LYZL4: variants seen among roughly 807,000 people sequenced by gnomAD.
LYZL4 encodes the protein lysozyme like 4, also known as lysozyme-like protein 4.
In LYZL4, 13 loss-of-function variants were observed where a neutral mutation model predicts 17.6. That is an observed-to-expected ratio of 0.74 (90% CI 0.48 to 1.18). LYZL4 has a LOEUF of 1.18. LYZL4 is among the 50% of genes most tolerant of loss of function. The pLI is 0.00. For missense variants in LYZL4, 174 were observed against 188.2 expected, an observed-to-expected ratio of 0.92 and a Z score of 0.44; for synonymous variants, 64 against 67.7, an observed-to-expected ratio of 0.95 and a Z score of 0.27.
chr3:42,389,994 T>C, the LYZL4 span, among the ~76,000 whole-genome samples: 1 of 152,130 alleles, frequency 6.6e-6, no homozygotes, highest in Non-Finnish European at 1.5e-5. Context: ...CGGAACATAA[T>C]GGGGAGGGAA....
At chr3:42,370,791 G>C in the LYZL4 span, among the ~76,000 whole-genome samples, 1 of 152,162 alleles carries the variant, frequency 6.6e-6, no homozygotes, top group Non-Finnish European at 1.5e-5. Context: ...TAGTGGGAAT[G>C]GATTTCTGTT....
rs187771569 is a variant in LYZL4, at chr3:42,409,872, G to A, written c.-93+545C>T. ...CAGCCACTGAGCACCTCTCCAGTCT[G>A]AATTTACATCACTCTCTCCTTTGTT... On this transcript the variant is annotated intron_variant, in intron 1 of 4. Coordinates refer to ENST00000287748, the MANE Select transcript of LYZL4 (RefSeq NM_144634.4). 2.6e-5 allele frequency among the ~76,000 whole-genome samples: 4 copies of A among 152,298 alleles called. No individual in the cohort carries two copies. The East Asian group carries it at 7.7e-4, about 29-fold the overall frequency.
the LYZL4 span, among the ~76,000 whole-genome samples, chr3:42,390,756 T>C: frequency 2.0e-5 from 3 of 152,198 alleles, no homozygotes; most frequent in African/African-American, 4.8e-5. Flanking sequence ...GTGGTGGAGA[T>C]TGACTACATG....
chr3:42,390,604 G>A, the LYZL4 span, among the ~76,000 whole-genome samples: 12 of 151,678 alleles, frequency 7.9e-5, no homozygotes, highest in Middle Eastern at 0.017. Flanking sequence ...GCAGTGGCAC[G>A]ATCTCGGCTC....
At chr3:42,406,272 T>C (rs1159557998) in intron 3 of LYZL4, among the ~76,000 whole-genome samples, 1 of 151,864 alleles carries the variant, frequency 6.6e-6, no homozygotes, top group Non-Finnish European at 1.5e-5. Flanking sequence ...GCTAACACAG[T>C]GAAACTCCGT....
Position 42,410,508 on chromosome 3 carries a change from G to C in LYZL4, c.-184C>G, listed in dbSNP as rs570921761. 17 of 152,344 alleles carry C rather than the reference G, an allele frequency of 1.1e-4. No individual in the cohort carries two copies. The highest frequency in any genetic ancestry group is 3.8e-4 in the African/African-American group (16 of 41,586). 9.4% of individuals were successfully genotyped at this position (152,344 alleles called of 1,614,324 possible). A position where few individuals can be genotyped will look rare whatever the true frequency, so the allele number is the denominator to read the frequency against. ...TGCAGCAGCTTCGACGTGTGTTGCAGGGAAGTTGCTCCACCTACATTTGGT... is the reference window on the plus strand; with the variant it reads ...TGCAGCAGCTTCGACGTGTGTTGCACGGAAGTTGCTCCACCTACATTTGGT... On this transcript the variant is annotated 5_prime_UTR_variant, in exon 1 of 5. Transcript: ENST00000287748.
At chr3:42,379,430 C>A in the LYZL4 span, among the ~76,000 whole-genome samples, 6 of 152,268 alleles carry the variant, frequency 3.9e-5, no homozygotes, top group East Asian at 3.9e-4. Context: ...TATTCAATTA[C>A]CAATTAACAG....
At chr3:42,371,040 G>A in the LYZL4 span, among the ~76,000 whole-genome samples, 1 of 152,132 alleles carries the variant, frequency 6.6e-6, no homozygotes, top group African/African-American at 2.4e-5. Context: ...TTGGTCTGGT[G>A]GCAGCATTCT....
downstream of LYZL4, among the ~76,000 whole-genome samples, chr3:42,392,748 G>A (rs1698501783): frequency 6.6e-6 from 1 of 152,176 alleles, no homozygotes; most frequent in Admixed American, 6.5e-5. Flanking sequence ...AATCCTTAGA[G>A]ATTCCAGTGG....
chr3:42,377,539 AT>A, the LYZL4 span, among the ~76,000 whole-genome samples: 1 of 151,966 alleles, frequency 6.6e-6, no homozygotes, highest in African/African-American at 2.4e-5. Flanking sequence ...GGGTTATTCC[AT>A]CTAGGTTTGT....
the LYZL4 span, among the ~76,000 whole-genome samples, chr3:42,379,469 C>T: frequency 1.3e-5 from 2 of 152,204 alleles, no homozygotes; most frequent in Non-Finnish European, 2.9e-5. Context: ...GACCTTGCCT[C>T]TTGAGAGGAG....
chr3:42,390,281 T>C, the LYZL4 span, among the ~76,000 whole-genome samples: 2 of 152,216 alleles, frequency 1.3e-5, no homozygotes, highest in Non-Finnish European at 2.9e-5. Context: ...GGCAAGGCTT[T>C]TAATAATCTG....
At chr3:42,376,411 G>T in the LYZL4 span, among the ~76,000 whole-genome samples, 2 of 152,152 alleles carry the variant, frequency 1.3e-5, no homozygotes, top group Non-Finnish European at 2.9e-5. Context: ...AAGCCACTCT[G>T]GGATAACATG....
intron 1 of LYZL4, among the ~76,000 whole-genome samples, chr3:42,407,679 T>C (rs1163623036): frequency 6.6e-6 from 1 of 150,996 alleles, no homozygotes; most frequent in Non-Finnish European, 1.5e-5. Flanking sequence ...ATTAAATACA[T>C]CTTGGAAAAC....
chr3:42,387,066 C>T, the LYZL4 span, among the ~76,000 whole-genome samples: 1 of 152,136 alleles, frequency 6.6e-6, no homozygotes, highest in Admixed American at 6.5e-5. Flanking sequence ...TCCAGTCACC[C>T]ACTTTACTTT....
At chr3:42,391,143 T>G in the LYZL4 span, among the ~76,000 whole-genome samples, 1 of 152,320 alleles carries the variant, frequency 6.6e-6, no homozygotes, top group South Asian at 2.1e-4. Context: ...CTGGGCCCCT[T>G]TCAATGCATA....
downstream of LYZL4, among the ~76,000 whole-genome samples, chr3:42,395,122 T>G (rs530207432): frequency 4.6e-5 from 7 of 152,330 alleles, no homozygotes; most frequent in Non-Finnish European, 1.0e-4. Context: ...CAAAACTGTT[T>G]GATTAAGCTC....
chr3:42,370,181 G>C, the LYZL4 span, among the ~76,000 whole-genome samples: 1 of 152,134 alleles, frequency 6.6e-6, no homozygotes, highest in Admixed American at 6.5e-5. Context: ...ACTCTAGCTG[G>C]CTTGCTGGAC....
rs367979069 is a variant in LYZL4 at position 42,406,939 on chromosome 3, G to A, written c.199C>T (p.Arg67Cys). ...AGGCCAAAGCCAGTGTAGCCCTCAC[G>A]TGTGTTCTCGTAGATGGCCATGGGG... ...FNPMAIYENT[R>C]EGYTGFGLFQ... is the part of the protein sequence containing the mutation. Residue 67 changes from arginine to cysteine, a missense_variant, in exon 3 of 5, where the codon CGT becomes TGT. Physicochemically the swap from Arg to Cys is radical, Grantham distance 180 (BLOSUM62 -3). Transcript: ENST00000287748. The A allele has an allele frequency of 2.8e-5, 45 of 1,614,098 alleles. No homozygotes were observed. The highest frequency in any genetic ancestry group is 5.3e-5 in the African/African-American group (4 of 74,928).
Sources: allele counts gnomAD v4.1 joint callset (sites outside exome capture counted in the v4.1 genomes callset), GRCh38; gene constraint gnomAD v4.1.1; transcripts MANE v1.5; gene names NCBI Gene and HGNC (gene_info 2026-07-23, HGNC 2026-07-21).